METTL8: variants seen among roughly 807,000 people sequenced by gnomAD.
METTL8 encodes the protein tRNA N(3)-cytidine methyltransferase METTL8, mitochondrial.
In METTL8, 32 loss-of-function variants were observed where a neutral mutation model predicts 48.7. That is an observed-to-expected ratio of 0.66 (90% CI 0.50 to 0.88). The LOEUF is 0.88. Among genes scored for constraint, METTL8 ranks in the 40% least tolerant of loss-of-function variants. The probability of loss-of-function intolerance (pLI) is 0.00; values close to 1 mark genes in which losing one functional copy is unlikely to be tolerated. For synonymous variants in METTL8, 136 were observed against 157.1 expected, an observed-to-expected ratio of 0.87 and a Z score of 1.01; for missense variants, 464 against 474.4, an observed-to-expected ratio of 0.98 and a Z score of 0.20.
At chr2:171,332,087 T>C in intron 5 of METTL8, 1 of 432,330 alleles carries the variant, frequency 2.3e-6, no homozygotes, top group East Asian at 4.2e-5. Context: ...GGTCTCACTA[T>C]GTTGCCCAGG....
At chr2:171,421,960 A>G (rs1691917494) in intron 1 of METTL8, among the ~76,000 whole-genome samples, 1 of 152,260 alleles carries the variant, frequency 6.6e-6, no homozygotes. Flanking sequence ...CAAAATTTCA[A>G]TAAGGCTTTT....
chr2:171,360,354 A>G, intron 3 of METTL8, 68 bp downstream of exon 3: 1 of 1,320,674 alleles, frequency 7.6e-7, no homozygotes, highest in Non-Finnish European at 1.1e-6. Flanking sequence ...TCTCAGAAGC[A>G]ATGACACGAG....
In METTL8 at chr2:171,339,246, T is replaced by G; in HGVS notation, c.544A>C (p.Lys182Gln). ...DFSNLDSEKHKKGPMETGLFP... is the reference protein window; with the variant it reads ...DFSNLDSEKHQKGPMETGLFP... Reference sequence around the variant, plus strand: ...AATCCAGTCTCCATAGGTCCTTTTTTGTGTTTTTCAGAGTCTAGGTTGGAA... The same window carrying G: ...AATCCAGTCTCCATAGGTCCTTTTTGGTGTTTTTCAGAGTCTAGGTTGGAA... Residue 182 changes from lysine (K) to glutamine (Q), a missense_variant, in exon 4 of 10, where the codon AAA becomes CAA. Lys to Gln is a moderately conservative substitution (Grantham distance 53). Coordinates refer to ENST00000375258, the MANE Select transcript of METTL8 (RefSeq NM_001321154.2). The G allele has an allele frequency of 6.2e-7, 1 of 1,606,948 alleles. No individual in the cohort carries two copies. Among genetic ancestry groups the G allele is most frequent in the Non-Finnish European group, 8.5e-7 (1 of 1,176,604 alleles).
At chr2:171,336,109 T>C (rs1269453132) in intron 5 of METTL8, among the ~76,000 whole-genome samples, 1 of 152,150 alleles carries the variant, frequency 6.6e-6, no homozygotes, top group Non-Finnish European at 1.5e-5. Context: ...TGCTTTTTTT[T>C]TTTTTGAGAC....
At chr2:171,400,631 A>C (rs1689546889) in intron 1 of METTL8, among the ~76,000 whole-genome samples, 1 of 152,156 alleles carries the variant, frequency 6.6e-6, no homozygotes, top group Admixed American at 6.5e-5. Flanking sequence ...CTCAAACCTC[A>C]AGGTGCAGAC....
intron 2 of METTL8, among the ~76,000 whole-genome samples, chr2:171,372,021 AAC>A (rs1358876023): frequency 1.3e-5 from 2 of 152,068 alleles, no homozygotes; most frequent in African/African-American, 4.8e-5. Context: ...ACTAACAAAA[AAC>A]ACAAACATAG....
At chr2:171,395,265 C>A (rs890136377) in intron 1 of METTL8, among the ~76,000 whole-genome samples, 6 of 152,036 alleles carry the variant, frequency 3.9e-5, no homozygotes, top group Admixed American at 1.3e-4. Flanking sequence ...ATATTCCATT[C>A]ATCCAAAAGA....
rs1427793173 is a variant in METTL8, at chr2:171,318,113, T to C, written c.*6059A>G. 6.6e-6 allele frequency: 1 copy of C among 152,242 alleles called. No homozygotes were observed. Among genetic ancestry groups the C allele is most frequent in the Admixed American group, 6.5e-5 (1 of 15,290 alleles). 9.4% of individuals were successfully genotyped at this position (152,242 alleles called of 1,614,324 possible). ...TGTTAATGAAAGACAGATTTTGGCA[T>C]CCACTTTTCTCTGTAGCTTTGAGGC... On this transcript the variant is annotated 3_prime_UTR_variant, in exon 10 of 10. Transcript: ENST00000375258.
At chr2:171,428,307 G>A (rs148302126) in intron 1 of METTL8, among the ~76,000 whole-genome samples, 7 of 152,194 alleles carry the variant, frequency 4.6e-5, no homozygotes, top group East Asian at 1.9e-4. Context: ...ACTTCCTACT[G>A]ATTTAAGGAA....
rs1385370738 is a variant in METTL8 at position 171,323,956 on chromosome 2, G to A, written c.*216C>T. 1.2e-5 allele frequency: 5 copies of A among 417,076 alleles called. No homozygotes were observed. Among genetic ancestry groups the A allele is most frequent in the African/African-American group, 1.0e-4 (5 of 49,060 alleles). The allele number at this position is 417,076 out of a possible 1,614,324, so 25.8% of individuals were successfully genotyped here. Reference sequence around the variant, plus strand: ...GGTTAGATGTAATAAATTCAAACAAGCTTGAGCATATCAAGTTTTCAAAGC... The same window carrying A: ...GGTTAGATGTAATAAATTCAAACAAACTTGAGCATATCAAGTTTTCAAAGC... On this transcript the variant is annotated 3_prime_UTR_variant, in exon 10 of 10. Transcript: ENST00000375258.
At chr2:171,326,473 T>C (rs1684971216) in intron 7 of METTL8, 1 of 227,338 alleles carries the variant, frequency 4.4e-6, no homozygotes, top group Non-Finnish European at 8.4e-6. Flanking sequence ...AAAATTAAGG[T>C]AGTTCTGAGA....
intron 2 of METTL8, among the ~76,000 whole-genome samples, chr2:171,369,819 G>A (rs1220332508): frequency 6.6e-6 from 1 of 152,110 alleles, no homozygotes; most frequent in Non-Finnish European, 1.5e-5. Flanking sequence ...TGTAATACCA[G>A]CATTTTGGGA....
Position 171,339,259 on chromosome 2 carries a change from G to C in METTL8, c.531C>G (p.Asp177Glu), listed in dbSNP as rs1394755919. Residue 177 changes from aspartate to glutamate, a missense_variant, in exon 4 of 10, where the codon GAC becomes GAG. Asp to Glu is a conservative substitution (Grantham distance 45). Transcript: ENST00000375258. ...TAGGTCCTTTTTTGTGTTTTTCAGA[G>C]TCTAGGTTGGAAAAATCAGATTCTG... ...SKTESDFSNL[D>E]SEKHKKGPME... 6.2e-7 allele frequency: 1 copy of C among 1,611,688 alleles called. No homozygotes were observed. Among genetic ancestry groups the C allele is most frequent in the Admixed American group, 1.7e-5 (1 of 59,780 alleles).
chr2:171,358,567 A>G (rs978178665), intron 3 of METTL8, among the ~76,000 whole-genome samples: 5 of 152,200 alleles, frequency 3.3e-5, no homozygotes, highest in African/African-American at 1.2e-4. Context: ...GGGAAAGGAC[A>G]GTCTCTTCAA....
intron 1 of METTL8, among the ~76,000 whole-genome samples, chr2:171,431,872 G>C (rs1693066180): frequency 6.6e-6 from 1 of 152,176 alleles, no homozygotes; most frequent in South Asian, 2.1e-4. Context: ...GGGGCTTCTG[G>C]GTTGCCTGAC....
chr2:171,392,806 T>G lies in METTL8; in HGVS notation c.-12-609A>C, dbSNP rs190574214. 2.7e-4 allele frequency among the ~76,000 whole-genome samples: 41 copies of G among 152,196 alleles called. 1 individual carries two copies. In the East Asian group the frequency reaches 5.4e-3, roughly 20 times the overall value. ...GCAAAATAGATTTTCCTGAACAAAATGCATGCTTTGCCAGGCATGGTGGCT... is the reference window on the plus strand; with the variant it reads ...GCAAAATAGATTTTCCTGAACAAAAGGCATGCTTTGCCAGGCATGGTGGCT... On this transcript the variant is annotated intron_variant, in intron 1 of 9. Coordinates refer to ENST00000375258, the MANE Select transcript of METTL8 (RefSeq NM_001321154.2).
At chr2:171,432,935 C>T (rs1693260930) in intron 1 of METTL8, 1 of 152,154 alleles carries the variant, frequency 6.6e-6, no homozygotes, top group Non-Finnish European at 1.5e-5. Flanking sequence ...AAATACAAAC[C>T]AAAACACTTC....
chr2:171,422,277 A>G (rs900547828), intron 1 of METTL8, among the ~76,000 whole-genome samples: 8 of 152,254 alleles, frequency 5.3e-5, no homozygotes, highest in African/African-American at 1.9e-4. Context: ...ACAAGTGATT[A>G]TTCATATACA....
chr2:171,344,019 C>T (rs546786523), intron 3 of METTL8, among the ~76,000 whole-genome samples: 1 of 152,280 alleles, frequency 6.6e-6, no homozygotes, highest in East Asian at 1.9e-4. Flanking sequence ...TCAGGGTTTG[C>T]TAATATACCT....
Sources: gnomAD v4.1 joint callset for allele counts (sites outside exome capture counted in the v4.1 genomes callset) on GRCh38, gnomAD v4.1.1 for gene constraint, MANE v1.5 for transcripts, NCBI Gene and HGNC (gene_info 2026-07-23, HGNC 2026-07-21) for gene names.